Variants in LYPLAL1 observed in about 807,000 individuals in gnomAD.
The protein encoded by LYPLAL1 is lysophospholipase-like protein 1.
LYPLAL1 carries 23 observed loss-of-function variants against 19.7 expected under a neutral mutation model. The observed-to-expected ratio is 1.17, with a 90% CI of 0.84 to 1.65. The LOEUF is 1.65. Ranked by LOEUF, LYPLAL1 falls within the 40% of genes most tolerant of loss-of-function variation. The pLI is 0.00. For missense variants in LYPLAL1, 355 were observed against 279.4 expected (o/e 1.27, Z -1.93); for synonymous variants, 119 against 96.3 (o/e 1.24, Z -1.38).
the LYPLAL1 span, among the ~76,000 whole-genome samples, chr1:219,353,615 T>G: frequency 6.6e-6 from 1 of 152,260 alleles, no homozygotes; most frequent in East Asian, 1.9e-4. Context: ...AAAATAAGCA[T>G]GAAAGGATAA....
At chr1:219,306,155 G>A in the LYPLAL1 span, among the ~76,000 whole-genome samples, 1 of 152,100 alleles carries the variant, frequency 6.6e-6, no homozygotes, top group South Asian at 2.1e-4. Flanking sequence ...TAGACTTTGA[G>A]AGGCCAAGTC....
chr1:219,213,647 A>C (rs57492200), downstream of LYPLAL1, among the ~76,000 whole-genome samples: 1 of 151,988 alleles, frequency 6.6e-6, no homozygotes, highest in Non-Finnish European at 1.5e-5. Flanking sequence ...TGTTAGATTT[A>C]TACTTGTATT....
At chr1:219,316,257 T>A in the LYPLAL1 span, among the ~76,000 whole-genome samples, 1 of 152,186 alleles carries the variant, frequency 6.6e-6, no homozygotes, top group African/African-American at 2.4e-5. Flanking sequence ...TTGATTGACT[T>A]TTTTAAGTTG....
chr1:219,260,474 A>T, the LYPLAL1 span, among the ~76,000 whole-genome samples: 5 of 151,752 alleles, frequency 3.3e-5, no homozygotes, highest in Non-Finnish European at 7.4e-5. Flanking sequence ...ATGGCAGTGA[A>T]ATAACTAAAG....
the LYPLAL1 span, among the ~76,000 whole-genome samples, chr1:219,294,755 A>T: frequency 6.6e-6 from 1 of 152,214 alleles, no homozygotes; most frequent in East Asian, 1.9e-4. Context: ...AAATTAGCAC[A>T]TAATAGGTTT....
At chr1:219,297,559 C>T in the LYPLAL1 span, among the ~76,000 whole-genome samples, 1 of 152,154 alleles carries the variant, frequency 6.6e-6, no homozygotes. Flanking sequence ...GGCTCTTAGT[C>T]TTGAGAAATG....
Position 219,211,525 on chromosome 1 carries a change from T to G in LYPLAL1, c.511T>G (p.Leu171Val). ...LQKSNGVLPE[L>V]FQCHGTADEL... Reference sequence around the variant, plus strand: ...GAAGAGTAATGGTGTACTTCCTGAATTATTTCAGTGTCATGGTACTGCAGA... The same window carrying G: ...GAAGAGTAATGGTGTACTTCCTGAAGTATTTCAGTGTCATGGTACTGCAGA... Residue 171 changes from leucine (L) to valine (V), a missense_variant, in exon 5 of 5, where the codon TTA becomes GTA. Transcript: ENST00000366928. The G allele has an allele frequency of 6.2e-7, 1 of 1,612,380 alleles. No homozygotes were observed. The highest frequency in any genetic ancestry group is 8.5e-7 in the Non-Finnish European group (1 of 1,178,852).
At chr1:219,261,623 A>G in the LYPLAL1 span, among the ~76,000 whole-genome samples, 1 of 152,182 alleles carries the variant, frequency 6.6e-6, no homozygotes, top group South Asian at 2.1e-4. Flanking sequence ...TTCGTTTATG[A>G]AACTTAGTTT....
At chr1:219,371,538 A>G in the LYPLAL1 span, among the ~76,000 whole-genome samples, 1 of 152,244 alleles carries the variant, frequency 6.6e-6, no homozygotes, top group South Asian at 2.1e-4. Flanking sequence ...ACCTAAGGCT[A>G]CCTCCCTACA....
At chr1:219,374,471 C>A in the LYPLAL1 span, among the ~76,000 whole-genome samples, 2 of 152,022 alleles carry the variant, frequency 1.3e-5, no homozygotes, top group Non-Finnish European at 2.9e-5. Context: ...ATAGCTGAAA[C>A]CATCCTCCCA....
At chr1:219,347,007 A>G in the LYPLAL1 span, among the ~76,000 whole-genome samples, 1 of 152,154 alleles carries the variant, frequency 6.6e-6, no homozygotes, top group Non-Finnish European at 1.5e-5. Flanking sequence ...GTGTTTTTAA[A>G]CCACACAAGC....
At chr1:219,249,253 C>A in the LYPLAL1 span, among the ~76,000 whole-genome samples, 1 of 152,072 alleles carries the variant, frequency 6.6e-6, no homozygotes, top group African/African-American at 2.4e-5. Flanking sequence ...ACTATACACA[C>A]ACGCACACAG....
the LYPLAL1 span, among the ~76,000 whole-genome samples, chr1:219,351,716 A>G: frequency 2.6e-5 from 4 of 152,248 alleles, no homozygotes; most frequent in Admixed American, 6.5e-5. Flanking sequence ...CAGTGTTTTA[A>G]AGCAAAACAG....
At chr1:219,300,975 T>C in the LYPLAL1 span, among the ~76,000 whole-genome samples, 1 of 151,854 alleles carries the variant, frequency 6.6e-6, no homozygotes, top group Non-Finnish European at 1.5e-5. Flanking sequence ...CAGTCCCAGC[T>C]ACTCAGGAGG....
the LYPLAL1 span, among the ~76,000 whole-genome samples, chr1:219,367,275 A>G: frequency 1.1e-4 from 17 of 152,184 alleles, no homozygotes; most frequent in Non-Finnish European, 2.9e-5. Context: ...TCAAATCCTA[A>G]AAAACATGGC....
chr1:219,243,805 G>A, the LYPLAL1 span, among the ~76,000 whole-genome samples: 31 of 151,670 alleles, frequency 2.0e-4, no homozygotes, highest in South Asian at 4.2e-4. Context: ...TGTAATCCCA[G>A]CTACTTGGGA....
the LYPLAL1 span, among the ~76,000 whole-genome samples, chr1:219,224,824 A>G: frequency 5.9e-5 from 9 of 152,226 alleles, no homozygotes; most frequent in African/African-American, 2.2e-4. Context: ...GTGTAGAATT[A>G]TGTATTTAGG....
the LYPLAL1 span, among the ~76,000 whole-genome samples, chr1:219,411,249 C>A: frequency 6.7e-6 from 1 of 148,174 alleles, no homozygotes. Context: ...CTGGTGAGGA[C>A]GTGGAGAGTC....
chr1:219,239,373 G>A, the LYPLAL1 span, among the ~76,000 whole-genome samples: 15,907 of 152,222 alleles, frequency 0.1, 977 homozygotes, highest in South Asian at 0.14. Context: ...CTAAGTTTAT[G>A]TTTGCTGAAT....
Sources: gnomAD v4.1 joint callset for allele counts (sites outside exome capture counted in the v4.1 genomes callset) on GRCh38, gnomAD v4.1.1 for gene constraint, MANE v1.5 for transcripts, NCBI Gene and HGNC (gene_info 2026-07-23, HGNC 2026-07-21) for gene names.